Variants in TPM4 observed in about 807,000 individuals in gnomAD.
The protein encoded by TPM4 is tropomyosin alpha-4 chain.
A neutral mutation model predicts 35.8 loss-of-function variants in TPM4; 17 were observed. The observed-to-expected ratio is 0.47, with a 90% confidence interval of 0.32 to 0.71. The LOEUF (loss-of-function observed/expected upper bound fraction) is 0.71. TPM4 is among the 30% of genes least tolerant of loss of function. The pLI, the probability that TPM4 is intolerant of heterozygous loss-of-function variation, is 0.03. For missense variants in TPM4, 240 were observed against 320.9 expected, an observed-to-expected ratio of 0.75 and a Z score of 1.93; for synonymous variants, 120 against 122.9, an observed-to-expected ratio of 0.98 and a Z score of 0.15.
chr19:16,096,320 C>A lies in TPM4; in HGVS notation c.664+2567C>A, dbSNP rs1240932061. Among the ~76,000 whole-genome samples, 4 of 152,318 alleles carry A rather than the reference C, an allele frequency of 2.6e-5. No individual in the cohort carries two copies. The East Asian group carries it at 5.8e-4, about 22-fold the overall frequency. ...GGCTCAGGCAGTCTGCCCACCTCAC[C>A]CTCCCAGGGTGCTGCAATTACAGGC... On this transcript the variant is annotated intron_variant, in intron 7 of 7. Coordinates refer to ENST00000643579, the MANE Select transcript of TPM4 (RefSeq NM_003290.3).
chr19:16,079,429 A>G (rs979732571), intron 1 of TPM4, among the ~76,000 whole-genome samples: 2 of 152,218 alleles, frequency 1.3e-5, no homozygotes, highest in African/African-American at 2.4e-5. Flanking sequence ...GATCTAGGCA[A>G]TTAAAAAGAA....
rs183121134 is a variant in TPM4, at chr19:16,080,176, A to G, written c.133-1737A>G. ...ACTCGCCTTGCCTCGTAGCCCTGGC[A>G]GGACCTAGGGGACAGGTTCTGACAA... On this transcript the variant is annotated intron_variant, in intron 1 of 7. Coordinates refer to ENST00000643579, the MANE Select transcript of TPM4 (RefSeq NM_003290.3). 58 of 198,576 alleles carry G rather than the reference A, an allele frequency of 2.9e-4. 1 individual carries two copies. The East Asian group carries it at 4.3e-3, about 15-fold the overall frequency. 12.3% of individuals were successfully genotyped at this position (198,576 alleles called of 1,614,324 possible). A position where few individuals can be genotyped will look rare whatever the true frequency, so the allele number is the denominator to read the frequency against.
rs1383145576 is a variant in TPM4, at chr19:16,102,965, T to G, written c.*1619T>G. 1 of 207,618 alleles carries G rather than the reference T, an allele frequency of 4.8e-6. No homozygotes were observed. The highest frequency in any genetic ancestry group is 2.3e-5 in the African/African-American group (1 of 43,896). 12.9% of individuals were successfully genotyped at this position (207,618 alleles called of 1,614,324 possible). The stretch of plus-strand genomic sequence containing the variant: ...TGTATCATATGTAATAGTATCACTT[T>G]TTCTACATTTTGGTCAAATAAATTT... On this transcript the variant is annotated 3_prime_UTR_variant, in exon 8 of 8. Transcript: ENST00000643579.
intron 2 of TPM4, 85 bp from the exon 3 acceptor site, chr19:16,086,338 A>C (rs948270003): frequency 8.1e-7 from 1 of 1,237,916 alleles, no homozygotes; most frequent in Non-Finnish European, 1.2e-6. Context: ...TGACAGAGCG[A>C]GACTCCATCT....
chr19:16,076,451 GC>G (rs1480141870), upstream of TPM4: 1 of 1,338,746 alleles, frequency 7.5e-7, no homozygotes, highest in Admixed American at 4.1e-5. Flanking sequence ...AGAGGCGGGG[GC>G]GGCCCCCGCG....
upstream of TPM4, among the ~76,000 whole-genome samples, chr19:16,073,957 A>G (rs2090378752): frequency 8.3e-6 from 1 of 120,604 alleles, no homozygotes; most frequent in Middle Eastern, 3.8e-3. Flanking sequence ...AAAAAAAAAA[A>G]AAACGCAAAA....
chr19:16,082,237 G>A lies in TPM4; in HGVS notation c.266+191G>A, dbSNP rs146981730. Reference sequence around the variant, plus strand: ...GAGATGTTTATCCGTGGCCAGGCACGGTGGCTCATGCCTGTAATCCCAGCA... The same window carrying A: ...GAGATGTTTATCCGTGGCCAGGCACAGTGGCTCATGCCTGTAATCCCAGCA... On this transcript the variant is annotated intron_variant, in intron 2 of 7. Transcript: ENST00000643579. Among the ~76,000 whole-genome samples the A allele has an allele frequency of 2.4e-4, 36 of 152,322 alleles. No homozygotes were observed. In the East Asian group the frequency reaches 3.3e-3, roughly 14 times the overall value.
chr19:16,074,862 C>G (rs918767581), upstream of TPM4: 1 of 152,306 alleles, frequency 6.6e-6, no homozygotes, highest in Non-Finnish European at 1.5e-5. Context: ...GAGGCCGAGG[C>G]GGGCAGATCA....
At chr19:16,088,669 C>A in intron 4 of TPM4, 1 of 1,049,342 alleles carries the variant, frequency 9.5e-7, no homozygotes, top group Non-Finnish European at 1.2e-6. Context: ...CCCGGAGTGT[C>A]CCCTGCAAAC....
At position 16,099,490 on chromosome 19, in the gene TPM4, A is replaced by ACCT. The variant is rs1237933646; in HGVS notation, c.665-1774_665-1773insCCT. 9.2e-5 allele frequency among the ~76,000 whole-genome samples: 14 copies of ACCT among 152,210 alleles called. 1 individual carries two copies. Among genetic ancestry groups the ACCT allele is most frequent in the African/African-American group, 3.4e-4 (14 of 41,568 alleles). On this transcript the variant is annotated intron_variant, in intron 7 of 7. Coordinates refer to ENST00000643579, the MANE Select transcript of TPM4 (RefSeq NM_003290.3). The stretch of plus-strand genomic sequence containing the variant: ...TCCCAGCTACTTGGGAGGCTGAGGT[A>ACCT]GAAGGATCACTTGAGCCCAGGAGGT...
At position 16,076,583 on chromosome 19, in the gene TPM4, C is replaced by T. The variant is rs1218370552; in HGVS notation, c.18C>T (p.Ser6=). Residue 6 remains serine (S), a synonymous_variant, in exon 1 of 8, where the codon TCC becomes TCT. Coordinates refer to ENST00000643579, the MANE Select transcript of TPM4 (RefSeq NM_003290.3). Reference sequence around the variant, plus strand: ...TCCGCGCCATGGCCGGCCTCAACTCCCTGGAGGCGGTGAAACGCAAGATCC... The same window carrying T: ...TCCGCGCCATGGCCGGCCTCAACTCTCTGGAGGCGGTGAAACGCAAGATCC... MAGLN[S]LEAVKRKIQA... The T allele has an allele frequency of 2.7e-6, 4 of 1,469,704 alleles. No individual in the cohort carries two copies. The highest frequency in any genetic ancestry group is 3.6e-6 in the Non-Finnish European group (4 of 1,117,624). The allele number at this position is 1,469,704 out of a possible 1,614,324, so 91.0% of individuals were successfully genotyped here. A position where few individuals can be genotyped will look rare whatever the true frequency, so the allele number is the denominator to read the frequency against.
chr19:16,082,679 T>C (rs1330509311), intron 2 of TPM4, among the ~76,000 whole-genome samples: 2 of 152,020 alleles, frequency 1.3e-5, no homozygotes, highest in African/African-American at 4.8e-5. Context: ...ACAGTGCCTC[T>C]TAGTGTTCTC....
chr19:16,093,044 G>A (rs113566524), intron 5 of TPM4: 3,690 of 164,836 alleles, frequency 0.022, 93 homozygotes, highest in African/African-American at 0.072. Context: ...TTGTAGAGAC[G>A]GGGTCTCACT....
chr19:16,069,280 T>C (rs2090327886), intron 2 of TPM4, among the ~76,000 whole-genome samples: 6 of 152,166 alleles, frequency 3.9e-5, no homozygotes, highest in Admixed American at 3.9e-4. Flanking sequence ...AGTGTGTTTC[T>C]GTTGGTGTGT....
At chr19:16,095,368 T>C (rs766648777) in intron 7 of TPM4, 29 of 1,034,184 alleles carry the variant, frequency 2.8e-5, no homozygotes, top group Middle Eastern at 8.8e-4. Flanking sequence ...GTCGCTGCCC[T>C]CTGTCCTTCT....
chr19:16,076,321 G>A (rs955589915), upstream of TPM4: 6 of 1,499,842 alleles, frequency 4.0e-6, no homozygotes, highest in African/African-American at 7.1e-5. Context: ...CCGAAAAGGG[G>A]CACTTTCCAG....
chr19:16,098,842 G>C (rs1256617515), intron 7 of TPM4, among the ~76,000 whole-genome samples: 5 of 151,964 alleles, frequency 3.3e-5, no homozygotes, highest in African/African-American at 1.2e-4. Context: ...AAAGAGACCA[G>C]GATTTAAAAT....
chr19:16,091,986 G>A (rs1055360442), intron 5 of TPM4, among the ~76,000 whole-genome samples: 8 of 151,100 alleles, frequency 5.3e-5, no homozygotes, highest in African/African-American at 1.9e-4. Flanking sequence ...GCTGGCCATC[G>A]TAGCGAAACC....
upstream of TPM4, chr19:16,076,030 C>G (rs764135427): frequency 6.3e-7 from 1 of 1,598,258 alleles, no homozygotes; most frequent in East Asian, 2.3e-5. Flanking sequence ...ACCCGTTCCT[C>G]GCTCTGTCGT....
Sources: allele counts gnomAD v4.1 joint callset (sites outside exome capture counted in the v4.1 genomes callset), GRCh38; gene constraint gnomAD v4.1.1; transcripts MANE v1.5; gene names NCBI Gene and HGNC (gene_info 2026-07-23, HGNC 2026-07-21).